Variants in ZNF385B observed in about 807,000 individuals in gnomAD.
ZNF385B encodes zinc finger protein 385B.
ZNF385B carries 23 observed loss-of-function variants against 39.2 expected under a neutral mutation model. That is an observed-to-expected ratio of 0.59 (90% confidence interval 0.42 to 0.83). The LOEUF (loss-of-function observed/expected upper bound fraction) is 0.83, where lower values mean the gene tolerates loss of function less well. Ranked by LOEUF, ZNF385B falls within the 40% of genes least tolerant of loss-of-function variation. ZNF385B has a pLI of 0.00. For missense variants in ZNF385B, 552 were observed against 598.9 expected, an observed-to-expected ratio of 0.92 and a Z score of 0.82; for synonymous variants, 205 against 222.6, an observed-to-expected ratio of 0.92 and a Z score of 0.70.
chr2:179,462,903 G>A (rs1044259319), intron 6 of ZNF385B, among the ~76,000 whole-genome samples: 1 of 150,396 alleles, frequency 6.6e-6, no homozygotes, highest in Admixed American at 6.6e-5. Context: ...TTTAAAAGAT[G>A]TGTGTGTGTG....
chr2:179,710,673 G>C (rs1699935144), intron 3 of ZNF385B, among the ~76,000 whole-genome samples: 1 of 152,180 alleles, frequency 6.6e-6, no homozygotes, highest in African/African-American at 2.4e-5. Context: ...CTTGTGTCTT[G>C]TTAAATGGCC....
At chr2:179,794,479 A>T (rs1705529938) in intron 1 of ZNF385B, among the ~76,000 whole-genome samples, 1 of 152,182 alleles carries the variant, frequency 6.6e-6, no homozygotes, top group Admixed American at 6.5e-5. Flanking sequence ...TTACTAAAAT[A>T]ATAATAAAAC....
At chr2:179,642,195 G>A (rs1330186653) in intron 3 of ZNF385B, among the ~76,000 whole-genome samples, 5 of 152,032 alleles carry the variant, frequency 3.3e-5, no homozygotes, top group East Asian at 1.9e-4. Context: ...AGAATCTCAC[G>A]GAATCATTTG....
intron 6 of ZNF385B, among the ~76,000 whole-genome samples, chr2:179,475,934 T>C (rs2053395514): frequency 6.8e-6 from 1 of 147,214 alleles, no homozygotes; most frequent in African/African-American, 2.5e-5. Flanking sequence ...GGAGAATCAC[T>C]TGAATTTGGG....
chr2:179,459,281 G>A (rs2051034419), intron 6 of ZNF385B, among the ~76,000 whole-genome samples: 1 of 150,448 alleles, frequency 6.6e-6, no homozygotes, highest in South Asian at 2.1e-4. Context: ...ATCATTTTCT[G>A]CCTCTGAGAG....
chr2:179,492,676 C>A (rs779604600), intron 5 of ZNF385B, among the ~76,000 whole-genome samples: 15 of 151,980 alleles, frequency 9.9e-5, no homozygotes, highest in Non-Finnish European at 1.6e-4. Context: ...TATCATTACT[C>A]ATTTGAAAAC....
chr2:179,735,205 T>A (rs1329415837), intron 3 of ZNF385B, among the ~76,000 whole-genome samples: 1 of 150,464 alleles, frequency 6.6e-6, no homozygotes, highest in Non-Finnish European at 1.5e-5. Context: ...AACAACCCCA[T>A]CAAAAAGTGG....
chr2:179,605,038 T>C (rs527321648), intron 3 of ZNF385B, among the ~76,000 whole-genome samples: 1 of 152,222 alleles, frequency 6.6e-6, no homozygotes, highest in South Asian at 2.1e-4. Context: ...ATCCTATATC[T>C]TTAATATAAT....
rs185044916 is a variant in ZNF385B at position 179,752,920 on chromosome 2, A to C, written c.298+16583T>G. On this transcript the variant is annotated intron_variant, in intron 3 of 9. Transcript: ENST00000410066. ...CTGATGGTAGTTTCTTTTGCTGTGC[A>C]GAAGCTCTTTAGTTTAATTAGATCC... Among the ~76,000 whole-genome samples the C allele has an allele frequency of 9.5e-3, 1,452 of 152,244 alleles. 14 individuals carry two copies. The highest frequency in any genetic ancestry group is 0.013 in the Non-Finnish European group (874 of 68,012).
At chr2:179,843,318 A>C (rs1174686406) in intron 1 of ZNF385B, among the ~76,000 whole-genome samples, 1 of 152,214 alleles carries the variant, frequency 6.6e-6, no homozygotes, top group Non-Finnish European at 1.5e-5. Context: ...CTAGAGTAAA[A>C]ATCACAGCCA....
At chr2:179,820,057 ATATGTGTGTG>A (rs1707312688) in intron 1 of ZNF385B, among the ~76,000 whole-genome samples, 1 of 152,092 alleles carries the variant, frequency 6.6e-6, no homozygotes, top group Admixed American at 6.6e-5. Context: ...GTACATGAGA[ATATGTGTGTG>A]TATATGTGTG....
chr2:179,548,922 A>G (rs2060401223), intron 3 of ZNF385B, among the ~76,000 whole-genome samples: 1 of 149,518 alleles, frequency 6.7e-6, no homozygotes, highest in Admixed American at 6.7e-5. Context: ...CATTTTCATG[A>G]CATCTAAGGG....
Position 179,453,116 on chromosome 2 carries a change from AT to A in ZNF385B, c.716-6347del, listed in dbSNP as rs370516921. On this transcript the variant is annotated intron_variant, in intron 6 of 9. Transcript: ENST00000410066. ...TCAAGAACATTTTCCATGTCAATAA[AT>A]GCAGAACTGGATTAAGATTTCTAAC... Among the ~76,000 whole-genome samples the A allele has an allele frequency of 1.1e-4, 17 of 152,330 alleles. No homozygotes were observed. In the East Asian group the frequency reaches 3.3e-3, roughly 29 times the overall value.
intron 3 of ZNF385B, among the ~76,000 whole-genome samples, chr2:179,595,483 G>A (rs553823134): frequency 1.3e-5 from 2 of 152,274 alleles, no homozygotes; most frequent in East Asian, 3.9e-4. Flanking sequence ...GCTGTGGGCT[G>A]TGGCAGAGGT....
intron 3 of ZNF385B, among the ~76,000 whole-genome samples, chr2:179,768,477 A>G (rs554396302): frequency 6.6e-6 from 1 of 152,362 alleles, no homozygotes. Flanking sequence ...ATTTGGCTTG[A>G]AATATAAAAA....
chr2:179,740,828 G>A (rs568502459), intron 3 of ZNF385B, among the ~76,000 whole-genome samples: 5 of 152,246 alleles, frequency 3.3e-5, no homozygotes, highest in Admixed American at 3.3e-4. Flanking sequence ...TTTATGACTA[G>A]TCAAAAGTGG....
intron 1 of ZNF385B, among the ~76,000 whole-genome samples, chr2:179,807,427 A>G (rs1406639532): frequency 6.6e-6 from 1 of 151,434 alleles, no homozygotes; most frequent in Non-Finnish European, 1.5e-5. Flanking sequence ...GTGAAACACC[A>G]TCTCTACTAA....
chr2:179,595,832 A>C (rs1687960175), intron 3 of ZNF385B, among the ~76,000 whole-genome samples: 1 of 151,072 alleles, frequency 6.6e-6, no homozygotes, highest in African/African-American at 2.4e-5. Context: ...TGAGCAACAG[A>C]GTGAGACCCT....
chr2:179,470,190 G>C (rs1286777141), intron 6 of ZNF385B, among the ~76,000 whole-genome samples: 1 of 152,100 alleles, frequency 6.6e-6, no homozygotes, highest in East Asian at 1.9e-4. Context: ...ATCTTGTACA[G>C]AGACCACATG....
Sources: gnomAD v4.1 joint callset for allele counts (sites outside exome capture counted in the v4.1 genomes callset) on GRCh38, gnomAD v4.1.1 for gene constraint, MANE v1.5 for transcripts, NCBI Gene and HGNC (gene_info 2026-07-23, HGNC 2026-07-21) for gene names.